LRMDA: variants seen among roughly 807,000 people sequenced by gnomAD.
LRMDA encodes leucine rich melanocyte differentiation associated.
In LRMDA, 18 loss-of-function variants were observed where a neutral mutation model predicts 29.8. That is an observed-to-expected ratio of 0.60 (90% CI 0.42 to 0.90). The LOEUF (loss-of-function observed/expected upper bound fraction) is 0.90, where lower values mean the gene tolerates loss of function less well. LRMDA is among the 40% of genes least tolerant of loss of function. The probability of loss-of-function intolerance (pLI) is 0.00; values close to 1 mark genes in which losing one functional copy is unlikely to be tolerated. For missense variants in LRMDA, 273 were observed against 273.9 expected (o/e 1.00, Z 0.02); for synonymous variants, 125 against 109.4 (o/e 1.14, Z -0.89).
chr10:75,858,840 C>T (rs953961102), intron 2 of LRMDA, among the ~76,000 whole-genome samples: 7 of 152,320 alleles, frequency 4.6e-5, no homozygotes, highest in East Asian at 3.9e-4. Flanking sequence ...TGCTCCTCTA[C>T]CCCTAATCTC....
At chr10:75,529,166 A>G (rs1438479009) in intron 2 of LRMDA, among the ~76,000 whole-genome samples, 1 of 152,238 alleles carries the variant, frequency 6.6e-6, no homozygotes, top group Admixed American at 6.5e-5. Flanking sequence ...GTCTACCATT[A>G]AAATAGACTC....
At chr10:75,840,089 C>A (rs541881599) in intron 2 of LRMDA, among the ~76,000 whole-genome samples, 1 of 152,242 alleles carries the variant, frequency 6.6e-6, no homozygotes, top group African/African-American at 2.4e-5. Context: ...ATTGGCAGAA[C>A]TTCATTGACC....
At chr10:75,919,009 C>T (rs984730272) in intron 2 of LRMDA, among the ~76,000 whole-genome samples, 6 of 152,126 alleles carry the variant, frequency 3.9e-5, no homozygotes, top group Admixed American at 6.5e-5. Context: ...ATGTGTCAGG[C>T]GTGATTTTGT....
At chr10:75,920,230 A>G (rs1846004100) in intron 2 of LRMDA, among the ~76,000 whole-genome samples, 2 of 152,176 alleles carry the variant, frequency 1.3e-5, no homozygotes, top group South Asian at 4.1e-4. Context: ...AAGCAAGCCT[A>G]GATGGTACAC....
chr10:76,015,622 A>G (rs1424965485), intron 2 of LRMDA, among the ~76,000 whole-genome samples: 1 of 152,178 alleles, frequency 6.6e-6, no homozygotes, highest in African/African-American at 2.4e-5. Context: ...GGTCCAGCCC[A>G]CACTCAAGTG....
intron 5 of LRMDA, among the ~76,000 whole-genome samples, chr10:76,092,966 T>C (rs1354293928): frequency 1.3e-5 from 2 of 152,222 alleles, no homozygotes; most frequent in Non-Finnish European, 2.9e-5. Context: ...GGTATTTCTT[T>C]TGGTCCGTGG....
intron 6 of LRMDA, among the ~76,000 whole-genome samples, chr10:76,482,261 G>A (rs1165601703): frequency 1.3e-5 from 2 of 151,878 alleles, no homozygotes; most frequent in African/African-American, 2.4e-5. Context: ...TAAGTGTGCA[G>A]TTCATTGAAT....
chr10:76,059,687 C>T (rs1848673668), intron 5 of LRMDA, among the ~76,000 whole-genome samples: 2 of 152,182 alleles, frequency 1.3e-5, no homozygotes, highest in African/African-American at 4.8e-5. Flanking sequence ...TTATAGCACT[C>T]TGCATGTGCA....
chr10:75,596,428 G>C (rs1840788430), intron 2 of LRMDA, among the ~76,000 whole-genome samples: 2 of 152,036 alleles, frequency 1.3e-5, no homozygotes, highest in South Asian at 2.1e-4. Context: ...CCTCATCCTT[G>C]GTCCATGTTT....
chr10:76,418,807 T>C (rs969896176), intron 6 of LRMDA, among the ~76,000 whole-genome samples: 8 of 152,184 alleles, frequency 5.3e-5, no homozygotes, highest in African/African-American at 1.9e-4. Context: ...TCAACATCAA[T>C]GGGTATTGAA....
At chr10:76,518,706 A>T (rs981628615) in intron 6 of LRMDA, among the ~76,000 whole-genome samples, 1 of 152,174 alleles carries the variant, frequency 6.6e-6, no homozygotes, top group Non-Finnish European at 1.5e-5. Context: ...GCAACTATTT[A>T]TGTAAGAGAA....
At chr10:76,323,367 AAT>A (rs1840795135) in intron 5 of LRMDA, among the ~76,000 whole-genome samples, 1 of 152,208 alleles carries the variant, frequency 6.6e-6, no homozygotes, top group Non-Finnish European at 1.5e-5. Flanking sequence ...TAGAAGGGCA[AAT>A]ATATCCCATA....
chr10:76,276,804 G>A (rs1271489045), intron 5 of LRMDA, among the ~76,000 whole-genome samples: 1 of 152,104 alleles, frequency 6.6e-6, no homozygotes, highest in Non-Finnish European at 1.5e-5. Context: ...TGAAGAATTA[G>A]CCTCATTTCT....
At chr10:76,145,716 T>G in intron 5 of LRMDA, among the ~76,000 whole-genome samples, 1 of 152,116 alleles carries the variant, frequency 6.6e-6, no homozygotes, top group Non-Finnish European at 1.5e-5. Flanking sequence ...TCTTAGTTAT[T>G]TCTTGCCTTC....
At chr10:76,520,197 A>C (rs113913736) in intron 6 of LRMDA, among the ~76,000 whole-genome samples, 3,422 of 151,998 alleles carry the variant, frequency 0.023, 53 homozygotes, top group South Asian at 0.098. Context: ...CAACTTTATC[A>C]TAGTATATAT....
intron 5 of LRMDA, among the ~76,000 whole-genome samples, chr10:76,274,469 C>T (rs1376837756): frequency 1.3e-5 from 2 of 152,044 alleles, no homozygotes; most frequent in Admixed American, 6.6e-5. Flanking sequence ...CATGGCCAGG[C>T]ATTAAAAGTG....
At chr10:75,722,216 T>A (rs1407989227) in intron 2 of LRMDA, among the ~76,000 whole-genome samples, 1 of 152,120 alleles carries the variant, frequency 6.6e-6, no homozygotes, top group Non-Finnish European at 1.5e-5. Context: ...CCCTGGTGCA[T>A]CGTTATTGCT....
Position 76,504,592 on chromosome 10 carries a change from T to A in LRMDA, c.602-52617T>A, listed in dbSNP as rs373763803. Among the ~76,000 whole-genome samples the A allele has an allele frequency of 7.4e-4, 112 of 152,232 alleles. 2 individuals are homozygous for A. In the South Asian group the frequency reaches 0.022, roughly 30 times the overall value. On this transcript the variant is annotated intron_variant, in intron 6 of 6. Coordinates refer to ENST00000611255, the MANE Select transcript of LRMDA (RefSeq NM_001305581.2). ...CTTCTTTCTGCTTTTTGTTTGTTGA[T>A]GTTTTAAAGTTTGTTTTATCTGATA...
chr10:76,075,952 AAAAT>A (rs1848949202), intron 5 of LRMDA, among the ~76,000 whole-genome samples: 2 of 152,320 alleles, frequency 1.3e-5, no homozygotes, highest in African/African-American at 4.8e-5. Context: ...GAGGTTAATA[AAAAT>A]AAATACCTGA....
Sources: gnomAD v4.1 joint callset for allele counts (sites outside exome capture counted in the v4.1 genomes callset) on GRCh38, gnomAD v4.1.1 for gene constraint, MANE v1.5 for transcripts, NCBI Gene and HGNC (gene_info 2026-07-23, HGNC 2026-07-21) for gene names.